The following ECE1 variants were observed in gnomAD, a reference collection of about 807,000 sequenced individuals.
ECE1 encodes the protein endothelin-converting enzyme 1.
ECE1 carries 35 observed loss-of-function variants against 98.6 expected under a neutral mutation model. The observed-to-expected ratio is 0.35, with a 90% CI of 0.27 to 0.47. The LOEUF (loss-of-function observed/expected upper bound fraction) is 0.47. Ranked by LOEUF, ECE1 falls within the 20% of genes least tolerant of loss-of-function variation. ECE1 has a pLI of 1.00. For synonymous variants in ECE1, 394 were observed against 407.1 expected (o/e 0.97, Z 0.39); for missense variants, 814 against 1,025.3 (o/e 0.79, Z 2.81).
chr1:21,304,090 C>T (rs2139672), intron 1 of ECE1, among the ~76,000 whole-genome samples: 21,749 of 149,578 alleles, frequency 0.15, 1,923 homozygotes, highest in Non-Finnish European at 0.2. Context: ...CTGAGGCAGG[C>T]GGATCACGAG....
At chr1:21,231,997 C>A (rs9426748) in intron 14 of ECE1, among the ~76,000 whole-genome samples, 77,099 of 152,164 alleles carry the variant, frequency 0.51, 20,972 homozygotes, top group African/African-American at 0.71. Context: ...TAAATAAAAA[C>A]ATTCAAGCTA....
At chr1:21,305,962 T>C (rs1381025991) in intron 1 of ECE1, among the ~76,000 whole-genome samples, 1 of 152,194 alleles carries the variant, frequency 6.6e-6, no homozygotes, top group Non-Finnish European at 1.5e-5. Context: ...CAAGGGCTGC[T>C]AGGAACAAAG....
chr1:21,290,239 G>T lies in ECE1; in HGVS notation c.52-83C>A. 7.4e-7 allele frequency: 1 copy of T among 1,355,534 alleles called. No homozygotes were observed. The allele number at this position is 1,355,534 out of a possible 1,614,324, so 84.0% of individuals were successfully genotyped here. A position where few individuals can be genotyped will look rare whatever the true frequency, so the allele number is the denominator to read the frequency against. ...ATGGGGAAGCGGCCCCGACCCTGGC[G>T]CCGCCGCCGCCGCGCCCCGCCCCGG... On this transcript the variant is annotated intron_variant, in intron 1 of 18. Transcript: ENST00000374893. This position sits in a 1 kb window ranked among gnomAD's most constrained non-coding sequence, Gnocchi z 7.3.
At chr1:21,308,777 G>C (rs766435655) in intron 1 of ECE1, among the ~76,000 whole-genome samples, 12 of 152,248 alleles carry the variant, frequency 7.9e-5, no homozygotes, top group Non-Finnish European at 1.5e-4. Context: ...AGCGAATGCT[G>C]CAAGTCCCCC....
intron 1 of ECE1, among the ~76,000 whole-genome samples, chr1:21,304,650 G>A (rs1031619903): frequency 1.3e-5 from 2 of 152,204 alleles, no homozygotes; most frequent in African/African-American, 4.8e-5. Flanking sequence ...CACCTCCGAG[G>A]ATGAGACTTA....
Position 21,331,259 on chromosome 1 carries a change from C to T in ECE1, c.3+14117G>A, listed in dbSNP as rs530598404. On this transcript the variant is annotated intron_variant, in intron 1 of 18. Transcript: ENST00000415912. ...CTCTACTAAAAATCCAAAAATTAGC[C>T]GGGCGTGGTGGTGCAGCGCCTGTAG... Among the ~76,000 whole-genome samples, 231 of 152,042 alleles carry T rather than the reference C, an allele frequency of 1.5e-3. 1 individual carries two copies. Among genetic ancestry groups the T allele is most frequent in the Non-Finnish European group, 2.8e-3 (190 of 67,970 alleles).
Position 21,235,375 on chromosome 1 carries a change from G to T in ECE1, c.1566+475C>A, listed in dbSNP as rs1401295235. On this transcript the variant is annotated intron_variant, in intron 13 of 18. Transcript: ENST00000374893. The surrounding 1 kb of genome is among the most constrained non-coding windows in gnomAD (Gnocchi z 4.2). Reference sequence around the variant, plus strand: ...TAGCATTTCAAAGTCAAAATCAGAGGTCCGGGTTTCTGGGGAGGTGGAGGA... The same window carrying T: ...TAGCATTTCAAAGTCAAAATCAGAGTTCCGGGTTTCTGGGGAGGTGGAGGA... 2.0e-5 allele frequency among the ~76,000 whole-genome samples: 3 copies of T among 152,126 alleles called. No homozygotes were observed. Among genetic ancestry groups the T allele is most frequent in the Non-Finnish European group, 2.9e-5 (2 of 68,012 alleles).
At chr1:21,320,803 A>G (rs1294252224) in intron 1 of ECE1, among the ~76,000 whole-genome samples, 1 of 152,184 alleles carries the variant, frequency 6.6e-6, no homozygotes, top group Non-Finnish European at 1.5e-5. Context: ...TGAGGTCCCC[A>G]GCCTCCTCTA....
In ECE1 at chr1:21,237,011, G is replaced by A. The variant is rs746646387; in HGVS notation, c.1390-167C>T. ...TGTGCTTCCAAACCACGCTCCTAAC[G>A]TGAACACCCTGCAAGACAGGACTGG... On this transcript the variant is annotated intron_variant, in intron 11 of 18. Transcript: ENST00000374893. Among the ~76,000 whole-genome samples the A allele has an allele frequency of 5.3e-5, 8 of 152,194 alleles. No individual in the cohort carries two copies. In the South Asian group the frequency reaches 6.2e-4, roughly 12 times the overall value.
chr1:21,253,569 T>C (rs1416240798), intron 8 of ECE1, among the ~76,000 whole-genome samples: 1 of 149,550 alleles, frequency 6.7e-6, no homozygotes, highest in Admixed American at 6.7e-5. Flanking sequence ...GAGACCATCC[T>C]GGCTAACACG....
At chr1:21,273,338 C>CGTGT (rs780250320) in intron 3 of ECE1, among the ~76,000 whole-genome samples, 1 of 122,230 alleles carries the variant, frequency 8.2e-6, no homozygotes, top group Non-Finnish European at 1.8e-5. Context: ...TGTGCCCGTG[C>CGTGT]GTGTGTGCGT....
rs1022648268 is a variant in ECE1 at position 21,225,592 on chromosome 1, C to T, written c.1850-152G>A. On this transcript the variant is annotated intron_variant, in intron 16 of 18. Coordinates refer to ENST00000374893, the MANE Select transcript of ECE1 (RefSeq NM_001397.3). The surrounding 1 kb of genome is among the most constrained non-coding windows in gnomAD (Gnocchi z 5.3). ...CGAGGTCCCTGTGAGTGCCGAGGGA[C>T]GTGGATGTGGTGGCCAGTCAGAGGC... The T allele has an allele frequency of 7.0e-6, 6 of 855,162 alleles. No homozygotes were observed. The highest frequency in any genetic ancestry group is 1.7e-5 in the South Asian group (1 of 59,186). 53.0% of individuals were successfully genotyped at this position (855,162 alleles called of 1,614,324 possible).
chr1:21,287,960 GAA>G lies in ECE1; in HGVS notation c.138+2108_138+2109del, dbSNP rs71569828. ...GAGCATATAAAGCTTTTACACTGGG[GAA>G]AAAAAAAAAAACAATGATTGAAAAC... On this transcript the variant is annotated intron_variant, in intron 2 of 18. Transcript: ENST00000374893. 8.0e-4 allele frequency among the ~76,000 whole-genome samples: 111 copies of G among 139,600 alleles called. 1 individual carries two copies. Among genetic ancestry groups the G allele is most frequent in the African/African-American group, 2.5e-3 (99 of 38,838 alleles). The allele number at this position is 139,600 out of a possible 152,430, so 91.6% of individuals were successfully genotyped here.
rs1176581244 is a variant in ECE1, at chr1:21,319,637, G to T, written c.3+25739C>A. 6.6e-6 allele frequency among the ~76,000 whole-genome samples: 1 copy of T among 152,088 alleles called. No individual in the cohort carries two copies. Among genetic ancestry groups the T allele is most frequent in the African/African-American group, 2.4e-5 (1 of 41,412 alleles). On this transcript the variant is annotated intron_variant, in intron 1 of 18. Transcript: ENST00000415912. The surrounding 1 kb of genome is among the most constrained non-coding windows in gnomAD (Gnocchi z 4.4). ...TCCCCTCTGTGAACTGGGCAGGAAA[G>T]CCAGGCTCCATCCCTGTCCAACTCT...
Position 21,236,230 on chromosome 1 carries a change from C to T in ECE1, c.1489-303G>A, listed in dbSNP as rs537138383. On this transcript the variant is annotated intron_variant, in intron 12 of 18. Coordinates refer to ENST00000374893, the MANE Select transcript of ECE1 (RefSeq NM_001397.3). ...CGTTTTCCTGCACCTTTTCCCCGTA[C>T]ACTCAGCGAGGTTTGTCTTCTACAG... 3.9e-5 allele frequency among the ~76,000 whole-genome samples: 6 copies of T among 152,392 alleles called. No individual in the cohort carries two copies. The East Asian group carries it at 1.2e-3, about 29-fold the overall frequency.
At chr1:21,279,116 A>G in intron 3 of ECE1, 75 bp downstream of exon 3, 2 of 1,612,234 alleles carry the variant, frequency 1.2e-6, no homozygotes, top group Non-Finnish European at 1.7e-6. Context: ...TAAGCAGGGA[A>G]GCCCCCCTCG....
At chr1:21,342,301 A>C (rs1639414163) in intron 1 of ECE1, among the ~76,000 whole-genome samples, 2 of 152,116 alleles carry the variant, frequency 1.3e-5, no homozygotes, top group African/African-American at 4.8e-5. Context: ...AAAGTCCAGG[A>C]GGTTTGTGCC....
At chr1:21,323,174 G>A (rs1392495119) in intron 1 of ECE1, among the ~76,000 whole-genome samples, 2 of 152,136 alleles carry the variant, frequency 1.3e-5, no homozygotes, top group African/African-American at 4.8e-5. Flanking sequence ...CTCACACACT[G>A]GTATGAGAAG....
At chr1:21,263,858 C>CCACGG (rs2098230368) in intron 4 of ECE1, among the ~76,000 whole-genome samples, 2 of 151,998 alleles carry the variant, frequency 1.3e-5, no homozygotes, top group South Asian at 4.1e-4. Context: ...CGGGGACAAC[C>CCACGG]CACGGCACAC....
Sources: allele counts gnomAD v4.1 joint callset (sites outside exome capture counted in the v4.1 genomes callset), GRCh38; gene constraint gnomAD v4.1.1; non-coding constraint Gnocchi (gnomAD v3.1); transcripts MANE v1.5; gene names NCBI Gene and HGNC (gene_info 2026-07-23, HGNC 2026-07-21).